BTNL8: variants seen among roughly 807,000 people sequenced by gnomAD.
The protein encoded by BTNL8 is butyrophilin like 8.
A neutral mutation model predicts 36.1 loss-of-function variants in BTNL8; 22 were observed. The ratio of observed to expected loss-of-function variants is 0.61; its 90% CI spans 0.44 to 0.87. The LOEUF is 0.87. BTNL8 is among the 40% of genes least tolerant of loss of function. BTNL8 has a pLI of 0.00. For missense variants in BTNL8, 526 were observed against 616.9 expected, an observed-to-expected ratio of 0.85 and a Z score of 1.56; for synonymous variants, 203 against 235.6, an observed-to-expected ratio of 0.86 and a Z score of 1.27.
At chr5:180,907,889 G>A (rs1190849077) in intron 1 of BTNL8, among the ~76,000 whole-genome samples, 1 of 151,666 alleles carries the variant, frequency 6.6e-6, no homozygotes, top group South Asian at 2.1e-4. Context: ...CAGATCTCCA[G>A]CTGCGTGCTG....
chr5:180,907,895 T>C (rs1186945984), intron 1 of BTNL8, among the ~76,000 whole-genome samples: 8 of 151,598 alleles, frequency 5.3e-5, no homozygotes, highest in Non-Finnish European at 8.8e-5. Context: ...TCCAGCTGCG[T>C]GCTGGGAGAA....
At chr5:180,924,729 C>T (rs893691674) in intron 3 of BTNL8, among the ~76,000 whole-genome samples, 1 of 152,144 alleles carries the variant, frequency 6.6e-6, no homozygotes, top group African/African-American at 2.4e-5. Flanking sequence ...AATGTGCAGG[C>T]ACCAACACAA....
intron 3 of BTNL8, 143 bp downstream of exon 3, chr5:180,911,757 G>A: frequency 1.1e-6 from 1 of 881,244 alleles, no homozygotes; most frequent in South Asian, 1.9e-5. Flanking sequence ...TCAATGAGAT[G>A]TAAAAGTAAA....
intron 1 of BTNL8, among the ~76,000 whole-genome samples, chr5:180,901,968 C>CA (rs1319281888): frequency 6.6e-6 from 1 of 151,560 alleles, no homozygotes; most frequent in Non-Finnish European, 1.5e-5. Flanking sequence ...AGCAGATTTT[C>CA]AAAAAAAACT....
intron 3 of BTNL8, among the ~76,000 whole-genome samples, chr5:180,926,971 G>C (rs1396082748): frequency 6.6e-6 from 1 of 152,218 alleles, no homozygotes; most frequent in Non-Finnish European, 1.5e-5. Flanking sequence ...CTTGAGCTCT[G>C]CTAAGGGACA....
At chr5:180,936,140 A>G (rs768797058) in intron 3 of BTNL8, among the ~76,000 whole-genome samples, 1 of 151,878 alleles carries the variant, frequency 6.6e-6, no homozygotes, top group African/African-American at 2.4e-5. Flanking sequence ...CGATCTCTTG[A>G]CCTTGTGATC....
intron 1 of BTNL8, among the ~76,000 whole-genome samples, chr5:180,908,309 A>C (rs1757205751): frequency 6.6e-6 from 1 of 152,094 alleles, no homozygotes; most frequent in Non-Finnish European, 1.5e-5. Flanking sequence ...TTGACTCGGA[A>C]AGGGAACTCC....
intron 3 of BTNL8, among the ~76,000 whole-genome samples, chr5:180,944,122 T>C (rs1376801049): frequency 6.6e-6 from 1 of 152,134 alleles, no homozygotes; most frequent in Non-Finnish European, 1.5e-5. Context: ...AAAAAGTTTA[T>C]CTCATAGAAG....
At chr5:180,900,434 G>A (rs1756777252) in intron 1 of BTNL8, among the ~76,000 whole-genome samples, 1 of 152,172 alleles carries the variant, frequency 6.6e-6, no homozygotes, top group Non-Finnish European at 1.5e-5. Context: ...ACGGGTGCAT[G>A]GCATGTTGCA....
intron 1 of BTNL8, chr5:180,902,275 G>C (rs1045427230): frequency 1.1e-5 from 16 of 1,392,340 alleles, no homozygotes; most frequent in Non-Finnish European, 1.6e-5. Flanking sequence ...TTCAGAAAGA[G>C]ACTTTTTCCT....
chr5:180,925,442 A>G (rs1758051312), intron 3 of BTNL8, among the ~76,000 whole-genome samples: 1 of 152,224 alleles, frequency 6.6e-6, no homozygotes, highest in Non-Finnish European at 1.5e-5. Context: ...GAGCCCCAAT[A>G]TGGTTTTCAG....
chr5:180,931,002 A>T (rs1345227429), intron 3 of BTNL8, among the ~76,000 whole-genome samples: 1 of 152,236 alleles, frequency 6.6e-6, no homozygotes, highest in Non-Finnish European at 1.5e-5. Context: ...CCGTATAGCC[A>T]AGACAATCCT....
chr5:180,909,668 C>A, intron 2 of BTNL8: 1 of 835,192 alleles, frequency 1.2e-6, no homozygotes, highest in Non-Finnish European at 1.4e-6. Context: ...TTGCTTGAGT[C>A]CAGGAGCTCG....
At position 180,908,838 on chromosome 5, in the gene BTNL8, T is replaced by A; in HGVS notation, c.302T>A (p.Leu101Gln). 1.2e-6 allele frequency: 2 copies of A among 1,614,196 alleles called. No homozygotes were observed. Among genetic ancestry groups the A allele is most frequent in the Non-Finnish European group, 1.7e-6 (2 of 1,180,042 alleles). ...GCGGAGGGGCGCATCTCTCTGAGGC[T>A]GGAAAACATTACTGTGTTGGATGCT... ...SIAEGRISLR[L>Q]ENITVLDAGL... Residue 101 changes from leucine (L) to glutamine (Q), a missense_variant, in exon 2 of 8, where the codon CTG becomes CAG. By Grantham distance (113) the Leu-to-Gln change is moderately radical (BLOSUM62 -2). Around this residue, in one of 2 missense-constraint regions of BTNL8, gnomAD observed 350 missense variants for 324.6 expected, o/e 1.08. Transcript: ENST00000340184.
intron 3 of BTNL8, among the ~76,000 whole-genome samples, chr5:180,934,984 T>C (rs1758577486): frequency 6.6e-6 from 1 of 152,120 alleles, no homozygotes; most frequent in Admixed American, 6.5e-5. Flanking sequence ...AACAGAACAA[T>C]TCTCAGGAGA....
Position 180,950,269 on chromosome 5 carries a change from T to C in BTNL8, c.1228T>C (p.Phe410Leu). 6.8e-7 allele frequency: 1 copy of C among 1,463,848 alleles called. No individual in the cohort carries two copies. The highest frequency in any genetic ancestry group is 1.9e-5 in the Admixed American group (1 of 53,408). 90.7% of individuals were successfully genotyped at this position (1,463,848 alleles called of 1,614,324 possible). Residue 410 changes from phenylalanine (F) to leucine (L), a missense_variant, in exon 8 of 8, where the codon TTC becomes CTC. Around this residue, in one of 2 missense-constraint regions of BTNL8, gnomAD observed 176 missense variants for 292.3 expected, o/e 0.60. Coordinates refer to ENST00000340184, the MANE Select transcript of BTNL8 (RefSeq NM_001040462.3). ...GACCCCACCTACAAAAATAGGGGTC[T>C]TCCTGGACTATGAGTGTGGGACCAT... ...PRTPPTKIGV[F>L]LDYECGTISF...
At position 180,935,281 on chromosome 5, in the gene BTNL8, C is replaced by G. The variant is rs767352040; in HGVS notation, c.674-12231C>G. 6.6e-6 allele frequency among the ~76,000 whole-genome samples: 1 copy of G among 152,218 alleles called. No individual in the cohort carries two copies. Among genetic ancestry groups the G allele is most frequent in the African/African-American group, 2.4e-5 (1 of 41,444 alleles). On this transcript the variant is annotated intron_variant, in intron 3 of 7. Transcript: ENST00000340184. The surrounding 1 kb of genome is among the most constrained non-coding windows in gnomAD (Gnocchi z 4.8). ...TAGTTAGGGACCTGCCCCTTTCCAC[C>G]CAGGAACCTGTTTCCCTTCCACCAT...
intron 1 of BTNL8, chr5:180,902,495 T>C (rs1364464332): frequency 4.8e-6 from 6 of 1,255,704 alleles, no homozygotes; most frequent in Non-Finnish European, 6.8e-6. Context: ...AATGGAGCCC[T>C]GAGTAGGTCA....
At chr5:180,939,335 C>G (rs1245101307) in intron 3 of BTNL8, among the ~76,000 whole-genome samples, 1 of 151,238 alleles carries the variant, frequency 6.6e-6, no homozygotes, top group Non-Finnish European at 1.5e-5. Context: ...TAAAGACACA[C>G]AAAGACTGAA....
Sources: gnomAD v4.1 joint callset for allele counts (sites outside exome capture counted in the v4.1 genomes callset) on GRCh38, gnomAD v4.1.1 for gene constraint, gnomAD v4.1.1 regional missense constraint, Gnocchi (gnomAD v3.1) non-coding constraint, MANE v1.5 for transcripts, NCBI Gene and HGNC (gene_info 2026-07-23, HGNC 2026-07-21) for gene names.